Variants in PDE1A observed in about 807,000 individuals in gnomAD.
PDE1A encodes dual specificity calcium/calmodulin-dependent 3',5'-cyclic nucleotide phosphodiesterase 1A.
PDE1A carries 35 observed loss-of-function variants against 61.7 expected under a neutral mutation model. The observed-to-expected ratio is 0.57, with a 90% confidence interval of 0.43 to 0.75. PDE1A has a LOEUF of 0.75. Among genes scored for constraint, PDE1A ranks in the 30% least tolerant of loss-of-function variants. The pLI, the probability that PDE1A is intolerant of heterozygous loss-of-function variation, is 0.00. For synonymous variants in PDE1A, 232 were observed against 213.2 expected, an observed-to-expected ratio of 1.09 and a Z score of -0.77; for missense variants, 597 against 630.6, an observed-to-expected ratio of 0.95 and a Z score of 0.57.
intron 1 of PDE1A, among the ~76,000 whole-genome samples, chr2:182,332,524 C>T (rs1027959222): frequency 5.3e-5 from 8 of 152,254 alleles, no homozygotes; most frequent in African/African-American, 1.7e-4. Flanking sequence ...TTGTGACCTT[C>T]GCATGGGGTT....
At chr2:182,198,074 A>G (rs141528800) in intron 10 of PDE1A, among the ~76,000 whole-genome samples, 16 of 151,994 alleles carry the variant, frequency 1.1e-4, no homozygotes, top group African/African-American at 3.4e-4. Flanking sequence ...ATTTCTCTCA[A>G]AAATGTTTTG....
At chr2:182,219,647 G>A (rs750193463) in intron 7 of PDE1A, among the ~76,000 whole-genome samples, 7 of 152,120 alleles carry the variant, frequency 4.6e-5, no homozygotes, top group Non-Finnish European at 8.8e-5. Context: ...GCTGTCAAGT[G>A]TAAAACTGCC....
intron 7 of PDE1A, among the ~76,000 whole-genome samples, chr2:182,213,337 G>A (rs1261129385): frequency 8.2e-5 from 8 of 97,092 alleles, no homozygotes; most frequent in African/African-American, 2.5e-4. Context: ...CAGAAAAACT[G>A]GAAACTCTAA....
In PDE1A at chr2:182,271,378, T is replaced by A. The variant is rs549577355; in HGVS notation, c.54-6964A>T. Among the ~76,000 whole-genome samples, 14 of 152,116 alleles carry A rather than the reference T, an allele frequency of 9.2e-5. No individual in the cohort carries two copies. The South Asian group carries it at 2.5e-3, about 27-fold the overall frequency. The stretch of plus-strand genomic sequence containing the variant: ...GTCTACATTTAAAGGAGCAAAATAA[T>A]CCTATTGAAGCAGAGAATATGTGAC... On this transcript the variant is annotated intron_variant, in intron 1 of 13. Transcript: ENST00000351439.
chr2:182,488,174 T>C (rs1239582339), intron 2 of PDE1A, among the ~76,000 whole-genome samples: 2 of 152,186 alleles, frequency 1.3e-5, no homozygotes, highest in Non-Finnish European at 2.9e-5. Context: ...ACTGATATGT[T>C]TTAATAAATC....
At chr2:182,386,331 C>T (rs562561218) in intron 1 of PDE1A, among the ~76,000 whole-genome samples, 1 of 151,852 alleles carries the variant, frequency 6.6e-6, no homozygotes, top group South Asian at 2.1e-4. Flanking sequence ...AGGATCCCCT[C>T]TGCCCGGCTG....
chr2:182,702,542 G>C, the PDE1A span, among the ~76,000 whole-genome samples: 1 of 152,154 alleles, frequency 6.6e-6, no homozygotes, highest in Non-Finnish European at 1.5e-5. Context: ...ACAGAAGCTG[G>C]TATGTGATGC....
chr2:182,399,253 C>CT lies in PDE1A; in HGVS notation c.53+27324dup, dbSNP rs1326805831. ...AATTTATATGCTACAAAATAATGCA[C>CT]TTTTTTGGTATAAAATTCTATGAAT... is the stretch of plus-strand genomic sequence containing the variant. On this transcript the variant is annotated intron_variant, in intron 1 of 13. Transcript: ENST00000351439. 2.6e-5 allele frequency among the ~76,000 whole-genome samples: 4 copies of CT among 151,834 alleles called. No individual in the cohort carries two copies. The East Asian group carries it at 7.7e-4, about 29-fold the overall frequency.
the PDE1A span, among the ~76,000 whole-genome samples, chr2:182,684,115 C>G: frequency 4.9e-5 from 7 of 142,864 alleles, no homozygotes; most frequent in African/African-American, 1.5e-4. Context: ...AAGAGCAAAA[C>G]TCCATCTCAA....
intron 2 of PDE1A, among the ~76,000 whole-genome samples, chr2:182,498,412 G>C (rs1173382735): frequency 6.6e-6 from 1 of 151,918 alleles, no homozygotes; most frequent in Non-Finnish European, 1.5e-5. Context: ...CTGAGAGATA[G>C]ATGTTAAAGT....
In PDE1A at chr2:182,169,910, A is replaced by G. The variant is rs919269726; in HGVS notation, c.1517-1620T>C. 4.1e-4 allele frequency among the ~76,000 whole-genome samples: 31 copies of G among 75,592 alleles called. 1 individual carries two copies. The highest frequency in any genetic ancestry group is 5.0e-3 in the Middle Eastern group (1 of 200). The allele number at this position is 75,592 out of a possible 152,430, so 49.6% of individuals were successfully genotyped here. On this transcript the variant is annotated intron_variant, in intron 13 of 13. Coordinates refer to ENST00000351439, the Ensembl canonical transcript of PDE1A. ...ACAGGAGACACACACACACACACAC[A>G]CACACACACACGCACACACACACAC...
chr2:182,613,454 T>G, the PDE1A span, among the ~76,000 whole-genome samples: 3 of 151,814 alleles, frequency 2.0e-5, no homozygotes, highest in Non-Finnish European at 4.4e-5. Flanking sequence ...TCCCAGCTAC[T>G]TCGGAGGCTG....
chr2:182,183,524 A>T (rs1426978642), intron 13 of PDE1A, among the ~76,000 whole-genome samples: 1 of 152,144 alleles, frequency 6.6e-6, no homozygotes, highest in African/African-American at 2.4e-5. Flanking sequence ...ACTTGAATAT[A>T]AAATGGTGAA....
chr2:182,439,878 A>G (rs1018651919), intron 2 of PDE1A, among the ~76,000 whole-genome samples: 1 of 152,144 alleles, frequency 6.6e-6, no homozygotes, highest in Admixed American at 6.6e-5. Flanking sequence ...TTTTACTTTG[A>G]GCAAGTTGTT....
At chr2:182,642,470 A>C in the PDE1A span, among the ~76,000 whole-genome samples, 3 of 149,238 alleles carry the variant, frequency 2.0e-5, no homozygotes, top group African/African-American at 7.8e-5. Flanking sequence ...GAGGACTCTG[A>C]ATTTGCCCAC....
At chr2:182,522,730 T>A in exon 1 of PDE1A, 3 of 934,238 alleles carry the variant, frequency 3.2e-6, no homozygotes, top group Non-Finnish European at 3.9e-6. Flanking sequence ...CTGAAGCACA[T>A]CAGAATTCCT....
intron 2 of PDE1A, among the ~76,000 whole-genome samples, chr2:182,516,903 G>A (rs965942822): frequency 2.0e-5 from 3 of 150,736 alleles, no homozygotes; most frequent in African/African-American, 5.0e-5. Context: ...GCTCACCTGG[G>A]TAATACAGGA....
intron 2 of PDE1A, among the ~76,000 whole-genome samples, chr2:182,519,589 TAGA>T (rs1478767771): frequency 1.3e-5 from 2 of 151,962 alleles, no homozygotes; most frequent in African/African-American, 4.8e-5. Flanking sequence ...GAAGACAATT[TAGA>T]AGAAGCTCAA....
At chr2:182,226,648 G>A (rs978762567) in intron 6 of PDE1A, among the ~76,000 whole-genome samples, 2 of 149,704 alleles carry the variant, frequency 1.3e-5, no homozygotes, top group East Asian at 1.9e-4. Context: ...CAGAGAGAAC[G>A]AGGTTAAATC....
Sources: allele counts gnomAD v4.1 joint callset (sites outside exome capture counted in the v4.1 genomes callset), GRCh38; gene constraint gnomAD v4.1.1; transcripts MANE v1.5; gene names NCBI Gene and HGNC (gene_info 2026-07-23, HGNC 2026-07-21).